The following L3MBTL4 variants were observed in gnomAD, a reference collection of about 807,000 sequenced individuals.
L3MBTL4 encodes the protein L3MBTL histone methyl-lysine binding protein 4.
A neutral mutation model predicts 84.5 loss-of-function variants in L3MBTL4; 70 were observed. The ratio of observed to expected loss-of-function variants is 0.83; its 90% CI spans 0.68 to 1.01. The LOEUF is 1.01. Among genes scored for constraint, L3MBTL4 ranks in the 50% least tolerant of loss-of-function variants. L3MBTL4 has a pLI of 0.00. For synonymous variants in L3MBTL4, 274 were observed against 259.8 expected, an observed-to-expected ratio of 1.05 and a Z score of -0.52; for missense variants, 715 against 754.8, an observed-to-expected ratio of 0.95 and a Z score of 0.62.
intron 1 of L3MBTL4, among the ~76,000 whole-genome samples, chr18:6,411,362 T>A (rs956753259): frequency 6.6e-6 from 1 of 152,194 alleles, no homozygotes; most frequent in Non-Finnish European, 1.5e-5. Context: ...AAGATGGAAA[T>A]GTTTTGTAAA....
chr18:6,247,405 T>C (rs188296312), intron 5 of L3MBTL4, among the ~76,000 whole-genome samples: 227 of 151,164 alleles, frequency 1.5e-3, no homozygotes, highest in African/African-American at 4.7e-3. Flanking sequence ...TTTCCCATAC[T>C]GTGTCATTGT....
chr18:6,289,601 T>G (rs2146680253), intron 4 of L3MBTL4, among the ~76,000 whole-genome samples: 1 of 152,344 alleles, frequency 6.6e-6, no homozygotes, highest in Middle Eastern at 3.4e-3. Context: ...ATCTTTGCTG[T>G]ATCTCCCTGC....
At chr18:6,219,015 C>T (rs2046438508) in intron 10 of L3MBTL4, among the ~76,000 whole-genome samples, 1 of 152,188 alleles carries the variant, frequency 6.6e-6, no homozygotes, top group Non-Finnish European at 1.5e-5. Flanking sequence ...TGAAAACCCA[C>T]CTCTAACTGG....
intron 16 of L3MBTL4, among the ~76,000 whole-genome samples, chr18:5,992,206 T>C (rs1287408156): frequency 6.6e-6 from 1 of 152,122 alleles, no homozygotes; most frequent in Non-Finnish European, 1.5e-5. Context: ...TAGGGCATGA[T>C]GAGGAGCCCC....
Position 6,046,868 on chromosome 18 carries a change from C to T in L3MBTL4, c.1444+34013G>A. The T allele has an allele frequency of 4.8e-6, 3 of 629,014 alleles. No homozygotes were observed. In the South Asian group the frequency reaches 6.4e-5, roughly 14 times the overall value. 39.0% of individuals were successfully genotyped at this position (629,014 alleles called of 1,614,324 possible). A position where few individuals can be genotyped will look rare whatever the true frequency, so the allele number is the denominator to read the frequency against. On this transcript the variant is annotated intron_variant, in intron 16 of 18. Transcript: ENST00000317931. ...ACTAGAAAAACAAGTATAAACTAAC[C>T]CCAAAACTAGCAGAAGAAAAGAATT... is the stretch of plus-strand genomic sequence containing the variant.
In L3MBTL4 at chr18:6,287,062, A is replaced by G. The variant is rs529937780; in HGVS notation, c.127+14841T>C. ...TTTTCTTTTCCATAGGCGCCTGCATATTAATTTGACTTTTGTGTAGTCAGT... is the reference window on the plus strand; with the variant it reads ...TTTTCTTTTCCATAGGCGCCTGCATGTTAATTTGACTTTTGTGTAGTCAGT... On this transcript the variant is annotated intron_variant, in intron 4 of 18. Coordinates refer to ENST00000317931, the MANE Select transcript of L3MBTL4 (RefSeq NM_001330559.2). 2.6e-5 allele frequency among the ~76,000 whole-genome samples: 4 copies of G among 152,214 alleles called. No individual in the cohort carries two copies. The East Asian group carries it at 7.7e-4, about 29-fold the overall frequency.
chr18:6,155,266 A>C (rs1299430191), intron 13 of L3MBTL4, among the ~76,000 whole-genome samples: 1 of 152,204 alleles, frequency 6.6e-6, no homozygotes, highest in Non-Finnish European at 1.5e-5. Context: ...TTTATGAAGC[A>C]CTGAACGCAA....
At chr18:6,346,107 T>C (rs566081199) in intron 1 of L3MBTL4, among the ~76,000 whole-genome samples, 1 of 114,354 alleles carries the variant, frequency 8.7e-6, no homozygotes, top group Non-Finnish European at 1.7e-5. Flanking sequence ...TGTTGGAATA[T>C]ATATATATAT....
intron 1 of L3MBTL4, among the ~76,000 whole-genome samples, chr18:6,391,893 G>T (rs341217): frequency 0.51 from 77,846 of 151,168 alleles, 20,019 homozygotes; most frequent in East Asian, 0.59. Flanking sequence ...GCTCATGGAT[G>T]GGAAGAATCA....
At chr18:6,144,084 T>A (rs866115723) in intron 13 of L3MBTL4, among the ~76,000 whole-genome samples, 28 of 149,838 alleles carry the variant, frequency 1.9e-4, no homozygotes, top group African/African-American at 6.6e-4. Flanking sequence ...TAGTCCCAGC[T>A]ACTGGAGAGG....
In L3MBTL4 at chr18:5,978,446, C is replaced by T. The variant is rs563794356; in HGVS notation, c.1445-8884G>A. ...AATTAACTTATTTTGATCGATACTA[C>T]ACCCCAATCACCCAGCATGTATTTT... On this transcript the variant is annotated intron_variant, in intron 16 of 18. Coordinates refer to ENST00000317931, the MANE Select transcript of L3MBTL4 (RefSeq NM_001330559.2). 7.2e-5 allele frequency among the ~76,000 whole-genome samples: 11 copies of T among 152,346 alleles called. No homozygotes were observed. In the East Asian group the frequency reaches 1.9e-3, roughly 27 times the overall value.
intron 10 of L3MBTL4, among the ~76,000 whole-genome samples, chr18:6,227,632 T>C (rs1438202661): frequency 3.9e-5 from 6 of 152,152 alleles, no homozygotes; most frequent in Non-Finnish European, 5.9e-5. Context: ...GAGATCACCA[T>C]TTTCTGATAC....
At chr18:6,279,270 G>A (rs1395006295) in intron 4 of L3MBTL4, among the ~76,000 whole-genome samples, 1 of 152,106 alleles carries the variant, frequency 6.6e-6, no homozygotes, top group Non-Finnish European at 1.5e-5. Context: ...TAAAAGCTAG[G>A]ACAGACTGAT....
chr18:6,048,102 C>T (rs182875321), intron 16 of L3MBTL4, among the ~76,000 whole-genome samples: 121 of 152,264 alleles, frequency 7.9e-4, no homozygotes, highest in African/African-American at 2.6e-3. Flanking sequence ...AGCATTTGTA[C>T]ACACCAATAA....
At chr18:6,256,914 G>A (rs545134027) in intron 5 of L3MBTL4, 1 of 152,462 alleles carries the variant, frequency 6.6e-6, no homozygotes, top group East Asian at 1.9e-4. Context: ...GGCCAGGCTG[G>A]GCTAGTGTTC....
chr18:6,396,792 C>T (rs2055290852), intron 1 of L3MBTL4: 2 of 152,182 alleles, frequency 1.3e-5, no homozygotes, highest in Non-Finnish European at 2.9e-5. Context: ...TAGCTATCTT[C>T]ATACTATGTT....
intron 16 of L3MBTL4, among the ~76,000 whole-genome samples, chr18:6,065,908 A>G (rs1020381005): frequency 1.3e-5 from 2 of 150,866 alleles, no homozygotes. Context: ...TTTGGGTTTA[A>G]TTTGTTCTTT....
intron 16 of L3MBTL4, among the ~76,000 whole-genome samples, chr18:5,997,461 C>T (rs550999608): frequency 6.6e-6 from 1 of 152,232 alleles, no homozygotes; most frequent in African/African-American, 2.4e-5. Flanking sequence ...ATTGCTTCCT[C>T]AGCCCTGTGG....
Position 6,369,103 on chromosome 18 carries a change from G to A in L3MBTL4, c.-91+45698C>T, listed in dbSNP as rs532444489. Among the ~76,000 whole-genome samples the A allele has an allele frequency of 5.9e-5, 9 of 151,638 alleles. No individual in the cohort carries two copies. The East Asian group carries it at 9.7e-4, about 16-fold the overall frequency. On this transcript the variant is annotated intron_variant, in intron 1 of 18. Transcript: ENST00000317931. ...TGCACAAGCACTACATTAGTCCAAG[G>A]AAGAGAAGGTGAGCGAGGGCTGCAG...
Sources: gnomAD v4.1 joint callset for allele counts (sites outside exome capture counted in the v4.1 genomes callset) on GRCh38, gnomAD v4.1.1 for gene constraint, MANE v1.5 for transcripts, NCBI Gene and HGNC (gene_info 2026-07-23, HGNC 2026-07-21) for gene names.